Variants in DCLK2 observed in about 807,000 individuals in gnomAD.
DCLK2 encodes the protein doublecortin like kinase 2.
DCLK2 carries 31 observed loss-of-function variants against 78.4 expected under a neutral mutation model. The observed-to-expected ratio is 0.40, with a 90% CI of 0.30 to 0.53. The LOEUF is 0.53. Among genes scored for constraint, DCLK2 ranks in the 20% least tolerant of loss-of-function variants. DCLK2 has a pLI of 0.61. For missense variants in DCLK2, 872 were observed against 973.7 expected (o/e 0.90, Z 1.39); for synonymous variants, 407 against 374.9 (o/e 1.09, Z -0.99).
intron 1 of DCLK2, among the ~76,000 whole-genome samples, 194 bp downstream of exon 1, chr4:150,079,642 AAG>A (rs1729098739): frequency 1.3e-5 from 2 of 152,220 alleles, no homozygotes; most frequent in African/African-American, 4.8e-5. Context: ...TTTCCTTCCC[AAG>A]AGGTTTGTCT....
At chr4:150,223,311 A>G (rs1339428231) in intron 7 of DCLK2, among the ~76,000 whole-genome samples, 1 of 152,244 alleles carries the variant, frequency 6.6e-6, no homozygotes, top group Non-Finnish European at 1.5e-5. Context: ...AGTGTGTACT[A>G]CAACCACCTG....
At chr4:150,104,505 G>T (rs551046213) in intron 2 of DCLK2, among the ~76,000 whole-genome samples, 4 of 148,404 alleles carry the variant, frequency 2.7e-5, no homozygotes, top group Admixed American at 6.8e-5. Flanking sequence ...CCTTAAAAAG[G>T]TTCCAGACTA....
In DCLK2 at chr4:150,175,215, T is replaced by A. The variant is rs867717742; in HGVS notation, c.757-17923T>A. Among the ~76,000 whole-genome samples the A allele has an allele frequency of 7.1e-3, 869 of 122,220 alleles. 35 individuals carry two copies. Among genetic ancestry groups the A allele is most frequent in the East Asian group, 0.012 (49 of 4,180 alleles). 80.2% of individuals were successfully genotyped at this position (122,220 alleles called of 152,430 possible). On this transcript the variant is annotated intron_variant, in intron 2 of 15. Transcript: ENST00000296550. Reference sequence around the variant, plus strand: ...TTTATCTATATATATTTATATATATTTATCTATATATATTTATATATATAT... The same window carrying A: ...TTTATCTATATATATTTATATATATATATCTATATATATTTATATATATAT...
chr4:150,161,230 C>G (rs1386841694), intron 2 of DCLK2, among the ~76,000 whole-genome samples: 1 of 152,150 alleles, frequency 6.6e-6, no homozygotes, highest in Non-Finnish European at 1.5e-5. Flanking sequence ...CAGATACAGG[C>G]TATCTTTTAA....
chr4:150,094,872 A>G (rs1177165159), intron 1 of DCLK2, among the ~76,000 whole-genome samples: 1 of 152,184 alleles, frequency 6.6e-6, no homozygotes, highest in Non-Finnish European at 1.5e-5. Flanking sequence ...TTTCAGAGTC[A>G]TTTGTGAAAT....
chr4:150,206,640 A>C (rs1739864671), intron 5 of DCLK2, among the ~76,000 whole-genome samples: 1 of 152,162 alleles, frequency 6.6e-6, no homozygotes, highest in Admixed American at 6.6e-5. Flanking sequence ...GAAAAACCTA[A>C]CTAAAAGGCT....
intron 2 of DCLK2, among the ~76,000 whole-genome samples, chr4:150,110,388 G>A (rs772025992): frequency 5.3e-5 from 8 of 152,092 alleles, no homozygotes; most frequent in Non-Finnish European, 1.0e-4. Flanking sequence ...ATTTGACAAT[G>A]TGTAGAGTAA....
intron 1 of DCLK2, among the ~76,000 whole-genome samples, chr4:150,093,104 T>C (rs143752504): frequency 3.3e-3 from 508 of 152,332 alleles, no homozygotes; most frequent in African/African-American, 0.011. Context: ...AAAATCATCA[T>C]ACACAAATCA....
chr4:150,116,309 A>G (rs1394544117), intron 2 of DCLK2, among the ~76,000 whole-genome samples: 2 of 152,154 alleles, frequency 1.3e-5, no homozygotes, highest in Admixed American at 1.3e-4. Flanking sequence ...TCCCTTCTCC[A>G]AGATCCTTCA....
intron 3 of DCLK2, among the ~76,000 whole-genome samples, chr4:150,193,761 T>A (rs190725944): frequency 1.3e-5 from 2 of 152,244 alleles, no homozygotes. Flanking sequence ...ATTTTTTTTT[T>A]AATTGAGACA....
chr4:150,126,176 G>A (rs1732905982), intron 2 of DCLK2, among the ~76,000 whole-genome samples: 1 of 150,590 alleles, frequency 6.6e-6, no homozygotes, highest in Non-Finnish European at 1.5e-5. Flanking sequence ...TACAGTGTTT[G>A]TGAGCAGCGG....
In DCLK2 at chr4:150,079,167, G is replaced by T; in HGVS notation, c.140G>T (p.Ser47Ile). The change falls in exon 1 of 16, where the codon AGT becomes ATT. Residue 47 changes from serine (S) to isoleucine (I), a missense_variant. Physicochemically the swap from Ser to Ile is moderately radical, Grantham distance 142. Coordinates refer to ENST00000296550, the MANE Select transcript of DCLK2 (RefSeq NM_001040260.4). ...CCCAAGGGGAACGGGCTCATCCCCA[G>T]TCCGGCGCACAGTGCCCACTGCAGC... ...SGPKGNGLIP[S>I]PAHSAHCSFY... is the part of the protein sequence containing the mutation. 2 of 1,608,396 alleles carry T rather than the reference G, an allele frequency of 1.2e-6. No homozygotes were observed. Among genetic ancestry groups the T allele is most frequent in the Non-Finnish European group, 1.7e-6 (2 of 1,177,340 alleles).
intron 1 of DCLK2, 85 bp from the exon 2 acceptor site, chr4:150,102,393 A>G: frequency 7.4e-7 from 1 of 1,349,740 alleles, no homozygotes; most frequent in South Asian, 1.4e-5. Context: ...GGGTTCACTT[A>G]ATGGGTTTCC....
At chr4:150,135,559 G>A (rs1733631144) in intron 2 of DCLK2, among the ~76,000 whole-genome samples, 1 of 152,194 alleles carries the variant, frequency 6.6e-6, no homozygotes, top group South Asian at 2.1e-4. Context: ...ACGTGTGATA[G>A]GTGTTGTGAA....
intron 12 of DCLK2, among the ~76,000 whole-genome samples, chr4:150,245,951 T>C (rs557983073): frequency 6.6e-6 from 1 of 152,296 alleles, no homozygotes; most frequent in South Asian, 2.1e-4. Context: ...TAAAGACACA[T>C]GCACACGTAT....
intron 2 of DCLK2, among the ~76,000 whole-genome samples, chr4:150,157,484 G>GGTTTTTTTGTTTGTTT (rs1735378868): frequency 7.1e-6 from 1 of 139,922 alleles, no homozygotes; most frequent in Non-Finnish European, 1.5e-5. Context: ...TTGTAGAGAT[G>GGTTTTTTTGTTTGTTT]GTTTTTTTGT....
At chr4:150,161,920 G>T (rs1003322460) in intron 2 of DCLK2, among the ~76,000 whole-genome samples, 1 of 152,156 alleles carries the variant, frequency 6.6e-6, no homozygotes, top group African/African-American at 2.4e-5. Flanking sequence ...ACTGCTAGGG[G>T]CTTATGGCTT....
chr4:150,223,722 T>C (rs1309280924), intron 7 of DCLK2, among the ~76,000 whole-genome samples: 1 of 150,456 alleles, frequency 6.6e-6, no homozygotes, highest in Non-Finnish European at 1.5e-5. Flanking sequence ...CCAGCCTGGC[T>C]GACAGAGCAA....
chr4:150,124,069 G>A (rs1240013850), intron 2 of DCLK2, among the ~76,000 whole-genome samples: 2 of 151,764 alleles, frequency 1.3e-5, no homozygotes, highest in Admixed American at 1.3e-4. Context: ...AAAGAAGAGC[G>A]CCACACTTGA....
Sources: allele counts gnomAD v4.1 joint callset (sites outside exome capture counted in the v4.1 genomes callset), GRCh38; gene constraint gnomAD v4.1.1; transcripts MANE v1.5; gene names NCBI Gene and HGNC (gene_info 2026-07-23, HGNC 2026-07-21).